Variants in TCF12 observed in about 807,000 individuals in gnomAD.
The protein encoded by TCF12 is DNA-binding protein HTF4.
Under a neutral mutation model 86.0 loss-of-function variants are expected in TCF12, and 45 were observed. The ratio of observed to expected loss-of-function variants is 0.52; its 90% CI spans 0.41 to 0.67. TCF12 has a LOEUF of 0.67. Among genes scored for constraint, TCF12 ranks in the 30% least tolerant of loss-of-function variants. The pLI, the probability that TCF12 is intolerant of heterozygous loss-of-function variation, is 0.00. For missense variants in TCF12, 881 were observed against 859.9 expected, an observed-to-expected ratio of 1.02 and a Z score of -0.31; for synonymous variants, 330 against 299.6, an observed-to-expected ratio of 1.10 and a Z score of -1.05.
intron 5 of TCF12, among the ~76,000 whole-genome samples, chr15:57,138,689 A>G (rs1457692330): frequency 5.9e-5 from 9 of 152,232 alleles, no homozygotes; most frequent in Non-Finnish European, 2.9e-5. Flanking sequence ...GACAGTTAAA[A>G]TAAGGCAATA....
intron 8 of TCF12, among the ~76,000 whole-genome samples, chr15:57,204,563 A>C (rs1292006598): frequency 6.6e-6 from 1 of 152,162 alleles, no homozygotes; most frequent in Admixed American, 6.6e-5. Context: ...AAAAATGTGA[A>C]TTTTTAGTCA....
intron 5 of TCF12, among the ~76,000 whole-genome samples, chr15:57,141,641 G>A (rs1296309661): frequency 2.0e-5 from 3 of 152,144 alleles, no homozygotes; most frequent in Non-Finnish European, 4.4e-5. Context: ...GAGCCACTGC[G>A]CCCAGACCAC....
chr15:57,223,659 T>TA (rs2058726077), intron 8 of TCF12, among the ~76,000 whole-genome samples: 3 of 144,418 alleles, frequency 2.1e-5, no homozygotes, highest in Non-Finnish European at 4.6e-5. Flanking sequence ...TTTTTTTTTT[T>TA]TTTTTTTTTT....
At chr15:57,201,109 A>G (rs572487094) in intron 8 of TCF12, among the ~76,000 whole-genome samples, 67 of 152,328 alleles carry the variant, frequency 4.4e-4, no homozygotes, top group African/African-American at 1.6e-3. Context: ...AAAGCACATG[A>G]GATTCTCCAC....
intron 19 of TCF12, among the ~76,000 whole-genome samples, chr15:57,281,031 G>C (rs2061659993): frequency 6.6e-6 from 1 of 151,708 alleles, no homozygotes; most frequent in Admixed American, 6.6e-5. Context: ...TAGTGTGTAA[G>C]TAGATTTTGA....
intron 3 of TCF12, among the ~76,000 whole-genome samples, chr15:56,956,611 A>G (rs1469285750): frequency 6.6e-6 from 1 of 152,074 alleles, no homozygotes; most frequent in East Asian, 1.9e-4. Flanking sequence ...CATGTCTGAA[A>G]ATGCCTTTAT....
At chr15:57,077,319 GTA>G (rs201019325) in intron 4 of TCF12, among the ~76,000 whole-genome samples, 1,584 of 37,934 alleles carry the variant, frequency 0.042, 104 homozygotes, top group African/African-American at 0.21. Flanking sequence ...CCATATATAT[GTA>G]TATATATGTG....
At chr15:56,954,429 A>T (rs571809689) in intron 3 of TCF12, among the ~76,000 whole-genome samples, 1 of 152,208 alleles carries the variant, frequency 6.6e-6, no homozygotes, top group African/African-American at 2.4e-5. Flanking sequence ...TTCAAGATGG[A>T]TTAAAGACTT....
At chr15:56,926,950 G>T (rs2060041437) in intron 3 of TCF12, among the ~76,000 whole-genome samples, 1 of 152,146 alleles carries the variant, frequency 6.6e-6, no homozygotes, top group Non-Finnish European at 1.5e-5. Context: ...AATAAGGAAG[G>T]CATTTATTTA....
At chr15:57,058,103 C>G (rs866252426) in intron 3 of TCF12, among the ~76,000 whole-genome samples, 9 of 152,242 alleles carry the variant, frequency 5.9e-5, no homozygotes, top group African/African-American at 2.2e-4. Flanking sequence ...AGAACAAGTC[C>G]TCAAAATACA....
chr15:57,112,110 A>C (rs2050532879), intron 5 of TCF12, among the ~76,000 whole-genome samples: 1 of 152,212 alleles, frequency 6.6e-6, no homozygotes, highest in African/African-American at 2.4e-5. Context: ...CGTCTTAAGA[A>C]GGTGGGAATG....
In TCF12 at chr15:57,170,642, AAT is replaced by A. The variant is rs1206155907; in HGVS notation, c.390+4185_390+4186del. ...CCCTGCTAATTTTATATATATATAT[AAT>A]ATATATATTATATAAAATATATATA... On this transcript the variant is annotated intron_variant, in intron 6 of 20. Transcript: ENST00000333725. Among the ~76,000 whole-genome samples, 11 of 31,320 alleles carry A rather than the reference AAT, an allele frequency of 3.5e-4. No homozygotes were observed. In the African/African-American group the frequency reaches 4.3e-3, roughly 12 times the overall value. The allele number at this position is 31,320 out of a possible 152,430, so 20.5% of individuals were successfully genotyped here. A position where few individuals can be genotyped will look rare whatever the true frequency, so the allele number is the denominator to read the frequency against.
chr15:57,094,990 T>C (rs565729722), intron 5 of TCF12, among the ~76,000 whole-genome samples: 28 of 152,336 alleles, frequency 1.8e-4, no homozygotes, highest in African/African-American at 6.5e-4. Flanking sequence ...ATGAACAATT[T>C]GCAACAGAAA....
At chr15:57,267,764 A>G (rs1251724605) in intron 18 of TCF12, among the ~76,000 whole-genome samples, 2 of 152,236 alleles carry the variant, frequency 1.3e-5, no homozygotes, top group Non-Finnish European at 2.9e-5. Context: ...ATAGTCCATA[A>G]TAATGAATAG....
intron 3 of TCF12, among the ~76,000 whole-genome samples, chr15:57,050,379 A>G (rs1488748799): frequency 1.3e-5 from 2 of 152,162 alleles, no homozygotes; most frequent in Admixed American, 1.3e-4. Flanking sequence ...AGCATCCTTC[A>G]TGCTTAAAGG....
At chr15:57,251,610 A>G (rs1300801992) in intron 14 of TCF12, among the ~76,000 whole-genome samples, 187 bp downstream of exon 14, 1 of 152,248 alleles carries the variant, frequency 6.6e-6, no homozygotes, top group East Asian at 1.9e-4. Context: ...TCTTTGGGAC[A>G]TCAGGCTTCT....
Position 57,288,518 on chromosome 15 carries a change from A to G in TCF12, c.*2373A>G, listed in dbSNP as rs1455367931. 1 of 152,652 alleles carries G rather than the reference A, an allele frequency of 6.6e-6. No homozygotes were observed. Among genetic ancestry groups the G allele is most frequent in the Non-Finnish European group, 1.5e-5 (1 of 68,034 alleles). The allele number at this position is 152,652 out of a possible 1,614,324, so 9.5% of individuals were successfully genotyped here. Reference sequence around the variant, plus strand: ...GCCATCTTTTTTTTAACACAGTAAAATAGTGAGTTTTTTACATTTCTCTTT... The same window carrying G: ...GCCATCTTTTTTTTAACACAGTAAAGTAGTGAGTTTTTTACATTTCTCTTT... On this transcript the variant is annotated 3_prime_UTR_variant, in exon 21 of 21. Coordinates refer to ENST00000333725, the MANE Select transcript of TCF12 (RefSeq NM_207037.2).
At chr15:57,028,466 C>T (rs2733170) in intron 3 of TCF12, among the ~76,000 whole-genome samples, 71,036 of 151,946 alleles carry the variant, frequency 0.47, 17,271 homozygotes, top group African/African-American at 0.59. Flanking sequence ...TGATGTTTGA[C>T]GATGTTGGAC....
intron 3 of TCF12, among the ~76,000 whole-genome samples, chr15:57,018,343 T>C (rs1179460406): frequency 1.3e-5 from 2 of 152,274 alleles, no homozygotes. Flanking sequence ...GGTTAATTTA[T>C]AGCTACTTGT....
Sources: allele counts gnomAD v4.1 joint callset (sites outside exome capture counted in the v4.1 genomes callset), GRCh38; gene constraint gnomAD v4.1.1; transcripts MANE v1.5; gene names NCBI Gene and HGNC (gene_info 2026-07-23, HGNC 2026-07-21).